PCDHA8: variants seen among roughly 807,000 people sequenced by gnomAD.
PCDHA8 encodes the protein protocadherin alpha-8.
Under a neutral mutation model 61.8 loss-of-function variants are expected in PCDHA8, and 53 were observed. The observed-to-expected ratio is 0.86, with a 90% CI of 0.69 to 1.08. The LOEUF (loss-of-function observed/expected upper bound fraction) is 1.08, where lower values mean the gene tolerates loss of function less well. PCDHA8 is among the 50% of genes least tolerant of loss of function. The pLI is 0.00. For missense variants in PCDHA8, 1,293 were observed against 1,245.0 expected, an observed-to-expected ratio of 1.04 and a Z score of -0.58; for synonymous variants, 618 against 556.6, an observed-to-expected ratio of 1.11 and a Z score of -1.55.
chr5:141,007,315 C>T (rs1207897662), intron 3 of PCDHA8, among the ~76,000 whole-genome samples: 1 of 148,308 alleles, frequency 6.7e-6, no homozygotes, highest in Non-Finnish European at 1.5e-5. Flanking sequence ...TTTTGGGAGG[C>T]TAAAGTGGAC....
At chr5:140,871,427 T>G (rs782140666) in intron 1 of PCDHA8, 3 of 1,613,326 alleles carry the variant, frequency 1.9e-6, no homozygotes, top group Non-Finnish European at 2.5e-6. Context: ...AGCCCCAGTC[T>G]TCCTCTAGGT....
At chr5:140,976,585 C>A (rs1415996919) in intron 1 of PCDHA8, among the ~76,000 whole-genome samples, 1 of 152,064 alleles carries the variant, frequency 6.6e-6, no homozygotes, top group African/African-American at 2.4e-5. Flanking sequence ...AAAACACAGA[C>A]TTTTGTGTTA....
At position 140,857,203 on chromosome 5, in the gene PCDHA8, C is replaced by T. The variant is rs781954201; in HGVS notation, c.2394+13488C>T. 1.0e-5 allele frequency: 16 copies of T among 1,598,514 alleles called. 1 individual carries two copies. In the Admixed American group the frequency reaches 2.4e-4, roughly 24 times the overall value. On this transcript the variant is annotated intron_variant, in intron 1 of 3. Transcript: ENST00000531613. ...ATTCAGGAGCCAACGGACAGGTCAC[C>T]TGCTCTCTGACGCCTCACGTTCCGT...
intron 1 of PCDHA8, chr5:140,858,018 C>G (rs1562532510): frequency 6.3e-7 from 1 of 1,596,908 alleles, no homozygotes; most frequent in Non-Finnish European, 8.6e-7. Flanking sequence ...GGCGAGCCGT[C>G]GCTGACGGCC....
At chr5:140,882,713 G>T (rs1554175318) in intron 1 of PCDHA8, 6 of 1,614,198 alleles carry the variant, frequency 3.7e-6, no homozygotes, top group African/African-American at 1.3e-5. Context: ...TAGACCTCCG[G>T]AAACTCGATT....
chr5:140,962,061 T>C (rs1554225775), intron 1 of PCDHA8, among the ~76,000 whole-genome samples: 2 of 151,824 alleles, frequency 1.3e-5, no homozygotes, highest in Non-Finnish European at 1.5e-5. Context: ...TTTTTTTGTA[T>C]TTTTTAGTAG....
At chr5:140,883,406 G>T (rs782181791) in intron 1 of PCDHA8, 3 of 1,614,156 alleles carry the variant, frequency 1.9e-6, no homozygotes, top group Non-Finnish European at 1.7e-6. Context: ...TCGTGACTCT[G>T]GCTCAAATGG....
At chr5:140,846,314 A>T (rs888599535) in intron 1 of PCDHA8, among the ~76,000 whole-genome samples, 1 of 148,000 alleles carries the variant, frequency 6.8e-6, no homozygotes, top group African/African-American at 2.5e-5. Context: ...CCATTTATGT[A>T]GAGTGTTGTA....
Position 140,843,248 on chromosome 5 carries a change from C to G in PCDHA8, c.1927C>G (p.Pro643Ala). The G allele has an allele frequency of 6.3e-7, 1 of 1,596,046 alleles. No individual in the cohort carries two copies. Among genetic ancestry groups the G allele is most frequent in the Non-Finnish European group, 8.6e-7 (1 of 1,165,590 alleles). The change falls in exon 1 of 4, where the codon CCG becomes GCG. Residue 643 changes from proline to alanine, a missense_variant. Transcript: ENST00000531613. ...TTRVLDEADS[P>A]RHRLLVLVKD... ...TCGTGTCCTGGACGAAGCGGACTCT[C>G]CGCGCCACCGTCTGCTGGTCCTGGT...
chr5:140,978,652 C>T (rs555324579), intron 1 of PCDHA8, among the ~76,000 whole-genome samples: 2 of 152,320 alleles, frequency 1.3e-5, no homozygotes, highest in East Asian at 1.9e-4. Flanking sequence ...CTGTTCTTCC[C>T]GTAGTGTTTT....
At chr5:140,968,467 A>G (rs2153771249) in intron 1 of PCDHA8, 1 of 1,614,124 alleles carries the variant, frequency 6.2e-7, no homozygotes, top group Non-Finnish European at 8.5e-7. Flanking sequence ...CTGCCAACGT[A>G]TATGTGGTGG....
chr5:140,879,844 C>CCCATCTCAG (rs1554171035), intron 1 of PCDHA8, among the ~76,000 whole-genome samples: 1 of 152,194 alleles, frequency 6.6e-6, no homozygotes, highest in Admixed American at 6.5e-5. Flanking sequence ...CTGTACCACT[C>CCCATCTCAG]CCATCTCAGC....
intron 1 of PCDHA8, chr5:140,870,643 G>C (rs782549928): frequency 6.2e-7 from 1 of 1,612,678 alleles, no homozygotes; most frequent in African/African-American, 1.3e-5. Flanking sequence ...CGCGGAGAGC[G>C]GCAAGGTGTA....
chr5:140,869,962 A>C (rs1554163660), intron 1 of PCDHA8: 4 of 1,612,950 alleles, frequency 2.5e-6, no homozygotes, highest in Middle Eastern at 1.6e-4. Flanking sequence ...AATTAAGCCC[A>C]ATGGAAGACA....
chr5:140,901,301 G>A (rs990062811), intron 1 of PCDHA8, among the ~76,000 whole-genome samples: 11 of 152,112 alleles, frequency 7.2e-5, no homozygotes, highest in Non-Finnish European at 1.5e-4. Flanking sequence ...CTGATGTTCC[G>A]GAGAGTTTCC....
intron 1 of PCDHA8, chr5:140,877,875 C>A: frequency 6.8e-7 from 1 of 1,475,090 alleles, no homozygotes; most frequent in Non-Finnish European, 9.0e-7. Context: ...TATTTGTTTC[C>A]TTGAAGAACT....
Position 140,841,739 on chromosome 5 carries a change from CTG to C in PCDHA8, c.420_421del (p.Phe141CysfsTer24), listed in dbSNP as rs2150321939. Reference protein sequence around the residue: ...PPVFRVKDQKLFVSESRMPDS... With the variant: ...PPVFRVKDQKXFVSESRMPDS... Reference sequence around the variant, plus strand: ...AGTGTTCCGGGTAAAAGACCAAAAGCTGTTTGTTTCAGAATCCAGAATGCCAG... The same window carrying C: ...AGTGTTCCGGGTAAAAGACCAAAAGCTTTGTTTCAGAATCCAGAATGCCAG... On this transcript the variant is annotated frameshift_variant, in exon 1 of 4. Coordinates refer to ENST00000531613, the MANE Select transcript of PCDHA8 (RefSeq NM_018911.3). LOFTEE classifies it high-confidence loss of function. 3 of 1,613,880 alleles carry C rather than the reference CTG, an allele frequency of 1.9e-6. No homozygotes were observed. In the East Asian group the frequency reaches 6.7e-5, roughly 36 times the overall value.
intron 1 of PCDHA8, among the ~76,000 whole-genome samples, chr5:140,938,157 G>A (rs532966795): frequency 6.6e-6 from 1 of 151,904 alleles, no homozygotes; most frequent in East Asian, 1.9e-4. Context: ...CATTGCCCAG[G>A]CTAGTCTGGA....
chr5:140,904,873 G>C (rs1309196167), intron 1 of PCDHA8, among the ~76,000 whole-genome samples: 1 of 151,932 alleles, frequency 6.6e-6, no homozygotes, highest in Non-Finnish European at 1.5e-5. Flanking sequence ...TATGTCCTTA[G>C]CTCACTTTTT....
Sources: gnomAD v4.1 joint callset for allele counts (sites outside exome capture counted in the v4.1 genomes callset) on GRCh38, gnomAD v4.1.1 for gene constraint, MANE v1.5 for transcripts, NCBI Gene and HGNC (gene_info 2026-07-23, HGNC 2026-07-21) for gene names.